ALG6: variants seen among roughly 807,000 people sequenced by gnomAD.
ALG6 encodes ALG6 alpha-1,3-glucosyltransferase, also known as dolichyl pyrophosphate Man9GlcNAc2 alpha-1,3-glucosyltransferase.
ALG6 carries 46 observed loss-of-function variants against 66.6 expected under a neutral mutation model. The observed-to-expected ratio is 0.69, with a 90% CI of 0.55 to 0.88. The LOEUF is 0.88. Among genes scored for constraint, ALG6 ranks in the 40% least tolerant of loss-of-function variants. ALG6 has a pLI of 0.00. For synonymous variants in ALG6, 185 were observed against 203.7 expected, an observed-to-expected ratio of 0.91 and a Z score of 0.78; for missense variants, 505 against 586.8, an observed-to-expected ratio of 0.86 and a Z score of 1.44.
At chr1:63,427,927 C>A (rs1022056337) in intron 12 of ALG6, among the ~76,000 whole-genome samples, 2 of 151,828 alleles carry the variant, frequency 1.3e-5, no homozygotes, top group East Asian at 3.9e-4. Context: ...CTGCTTCAGC[C>A]TCCCAAGTAG....
chr1:63,403,469 C>T (rs1382782458), intron 4 of ALG6, among the ~76,000 whole-genome samples: 1 of 152,164 alleles, frequency 6.6e-6, no homozygotes, highest in Non-Finnish European at 1.5e-5. Context: ...CCCAGTTCTA[C>T]TCTGTAGTGG....
At chr1:63,397,306 C>CTCCCAAGTA (rs1648855154) in intron 3 of ALG6, among the ~76,000 whole-genome samples, 1 of 152,108 alleles carries the variant, frequency 6.6e-6, no homozygotes. Flanking sequence ...CTGCCTCAGC[C>CTCCCAAGTA]TCCCAAGTAT....
chr1:63,391,785 C>T (rs1170477843), intron 2 of ALG6, among the ~76,000 whole-genome samples: 2 of 152,126 alleles, frequency 1.3e-5, no homozygotes, highest in African/African-American at 2.4e-5. Context: ...CTATCCCTTA[C>T]GCTTTTAGAG....
At chr1:63,400,223 G>A (rs796534464) in intron 3 of ALG6, among the ~76,000 whole-genome samples, 214 of 6,026 alleles carry the variant, frequency 0.036, 8 homozygotes, top group South Asian at 0.087. Context: ...ATATATATAC[G>A]TATATATATA....
chr1:63,432,332 T>G (rs1644650389), intron 14 of ALG6, among the ~76,000 whole-genome samples: 1 of 152,214 alleles, frequency 6.6e-6, no homozygotes, highest in Non-Finnish European at 1.5e-5. Flanking sequence ...AACCTTGAAT[T>G]CCTAGGATAA....
chr1:63,378,946 T>TC (rs1234351768), intron 2 of ALG6, among the ~76,000 whole-genome samples: 1 of 152,004 alleles, frequency 6.6e-6, no homozygotes, highest in Non-Finnish European at 1.5e-5. Flanking sequence ...TTGGTTCCTT[T>TC]TTAGATCTTG....
rs1356514417 is a variant in ALG6, at chr1:63,400,252, T to C, written c.168-2002T>C. On this transcript the variant is annotated intron_variant, in intron 3 of 14. Coordinates refer to ENST00000263440, the MANE Select transcript of ALG6 (RefSeq NM_013339.4). ...ATATATATATATATATACGTATATA[T>C]ATGTATATATATATACGTATATATA... Among the ~76,000 whole-genome samples, 15 of 4,664 alleles carry C rather than the reference T, an allele frequency of 3.2e-3. No homozygotes were observed. The East Asian group carries it at 0.066, about 21-fold the overall frequency. 3.1% of individuals were successfully genotyped at this position (4,664 alleles called of 152,430 possible).
At position 63,368,362 on chromosome 1, in the gene ALG6, A is replaced by G. The variant is rs535277222; in HGVS notation, c.-208+675A>G. Among the ~76,000 whole-genome samples, 7 of 152,302 alleles carry G rather than the reference A, an allele frequency of 4.6e-5. No individual in the cohort carries two copies. The East Asian group carries it at 9.7e-4, about 21-fold the overall frequency. On this transcript the variant is annotated intron_variant, in intron 1 of 14. Transcript: ENST00000263440. ...CGTACACACAGACGCACACAGCTCC[A>G]TTCAGCAAATACTTCTTGGGTACCT... is the stretch of plus-strand genomic sequence containing the variant.
chr1:63,406,836 T>G (rs1169529715), intron 6 of ALG6, among the ~76,000 whole-genome samples: 2 of 152,090 alleles, frequency 1.3e-5, no homozygotes, highest in Admixed American at 1.3e-4. Context: ...ACAAAACCTT[T>G]TAGTGGTTTT....
chr1:63,417,403 G>C (rs921295864), intron 11 of ALG6, among the ~76,000 whole-genome samples: 1 of 151,954 alleles, frequency 6.6e-6, no homozygotes, highest in South Asian at 2.1e-4. Flanking sequence ...TTTCAGTTTG[G>C]TATGTTTTAA....
In ALG6 at chr1:63,428,738, TCTG is replaced by T; in HGVS notation, c.1067_1069del (p.Cys356del). The T allele has an allele frequency of 6.2e-7, 1 of 1,603,590 alleles. No individual in the cohort carries two copies. The highest frequency in any genetic ancestry group is 8.5e-7 in the Non-Finnish European group (1 of 1,173,140). Reference sequence around the variant, plus strand: ...TTTTTTCTTTACGATTTTAGACCAGTCTGCTTAGTTTTAAGTGAAATTCCTTTT... The same window carrying T: ...TTTTTTCTTTACGATTTTAGACCAGTCTTAGTTTTAAGTGAAATTCCTTTT... On this transcript the variant is annotated inframe_deletion, in exon 13 of 15. Transcript: ENST00000263440.
intron 2 of ALG6, among the ~76,000 whole-genome samples, chr1:63,394,419 G>A (rs1051020394): frequency 4.0e-5 from 6 of 150,892 alleles, no homozygotes; most frequent in African/African-American, 1.2e-4. Flanking sequence ...TCACTCTGTC[G>A]CCCAGGCTGG....
At chr1:63,392,734 A>G (rs1459390894) in intron 2 of ALG6, among the ~76,000 whole-genome samples, 2 of 152,192 alleles carry the variant, frequency 1.3e-5, no homozygotes, top group Non-Finnish European at 2.9e-5. Flanking sequence ...AATCTTATGT[A>G]AATGAATTTG....
At chr1:63,388,134 G>T (rs1255970903) in intron 2 of ALG6, among the ~76,000 whole-genome samples, 1 of 151,860 alleles carries the variant, frequency 6.6e-6, no homozygotes, top group Non-Finnish European at 1.5e-5. Flanking sequence ...GGCCACGCTG[G>T]TCTCAAACTT....
chr1:63,423,173 A>G (rs549292348), intron 12 of ALG6, among the ~76,000 whole-genome samples: 2 of 151,724 alleles, frequency 1.3e-5, no homozygotes, highest in East Asian at 3.9e-4. Context: ...ACAGACGCAC[A>G]CCACCACGCC....
chr1:63,406,389 C>T lies in ALG6; in HGVS notation c.419C>T (p.Thr140Ile), dbSNP rs764447723. 3.7e-6 allele frequency: 6 copies of T among 1,612,818 alleles called. No individual in the cohort carries two copies. The Admixed American group carries it at 1.0e-4, about 27-fold the overall frequency. Reference protein sequence around the residue: ...LYCCCLKEISTKKKIANALCI... With the variant: ...LYCCCLKEISIKKKIANALCI... Reference sequence around the variant, plus strand: ...TGTTGTTGCTTAAAAGAAATCTCAACTAAGAAAAAGGTAGGTTTTCAAGCA... The same window carrying T: ...TGTTGTTGCTTAAAAGAAATCTCAATTAAGAAAAAGGTAGGTTTTCAAGCA... Residue 140 changes from threonine (T) to isoleucine (I), a missense_variant, in exon 6 of 15, where the codon ACT (threonine) becomes ATT (isoleucine). Transcript: ENST00000263440.
Position 63,371,029 on chromosome 1 carries a change from C to G in ALG6, c.52C>G (p.Arg18Gly). 1 of 1,609,416 alleles carries G rather than the reference C, an allele frequency of 6.2e-7. No homozygotes were observed. Among genetic ancestry groups the G allele is most frequent in the East Asian group, 2.2e-5 (1 of 44,790 alleles). ...AGTGGTTTTAATAGGACTAACAGTA[C>G]GATGGACAGTGTCTCTTAATTCTTA... ...TVVVLIGLTV[R>G]WTVSLNSYSG... The change falls in exon 2 of 15, where the codon CGA becomes GGA. Residue 18 changes from arginine (R) to glycine (G), a missense_variant. Physicochemically the swap from Arg to Gly is moderately radical, Grantham distance 125. Coordinates refer to ENST00000263440, the MANE Select transcript of ALG6 (RefSeq NM_013339.4).
At chr1:63,393,295 T>A (rs1648725417) in intron 2 of ALG6, among the ~76,000 whole-genome samples, 1 of 152,194 alleles carries the variant, frequency 6.6e-6, no homozygotes, top group South Asian at 2.1e-4. Flanking sequence ...TTAAAAAAAT[T>A]TTTATTATTG....
At position 63,433,463 on chromosome 1, in the gene ALG6, G is replaced by C. The variant is rs1453026147; in HGVS notation, c.1327-3360G>C. On this transcript the variant is annotated intron_variant, in intron 14 of 14. Transcript: ENST00000263440. This position sits in a 1 kb window ranked among gnomAD's most constrained non-coding sequence, Gnocchi z 4.2. ...TTTTGCACTTTAGGTAATGACCATG[G>C]AGGATAGTGGTGTGGGAGGTAGGAA... Among the ~76,000 whole-genome samples the C allele has an allele frequency of 6.6e-6, 1 of 152,196 alleles. No individual in the cohort carries two copies. The highest frequency in any genetic ancestry group is 1.5e-5 in the Non-Finnish European group (1 of 68,016).
Sources: gnomAD v4.1 joint callset for allele counts (sites outside exome capture counted in the v4.1 genomes callset) on GRCh38, gnomAD v4.1.1 for gene constraint, Gnocchi (gnomAD v3.1) non-coding constraint, MANE v1.5 for transcripts, NCBI Gene and HGNC (gene_info 2026-07-23, HGNC 2026-07-21) for gene names.